IGBP1: variants seen among roughly 807,000 people sequenced by gnomAD.
The protein encoded by IGBP1 is immunoglobulin binding protein 1.
Under a neutral mutation model 25.9 loss-of-function variants are expected in IGBP1, and 2 were observed. The ratio of observed to expected loss-of-function variants is 0.08; its 90% CI spans 0.03 to 0.24. The LOEUF is 0.24. Among genes scored for constraint, IGBP1 ranks in the 10% least tolerant of loss-of-function variants. The pLI is 1.00. For synonymous variants in IGBP1, 96 were observed against 93.4 expected (o/e 1.03, Z -0.16); for missense variants, 187 against 260.4 (o/e 0.72, Z 1.94).
chrX:70,158,120 C>G (rs1235940154), intron 6 of IGBP1, among the ~76,000 whole-genome samples: 1 of 111,746 alleles, frequency 8.9e-6, no homozygotes, highest in East Asian at 2.8e-4. Flanking sequence ...CAGTGTATTC[C>G]CTAGAAAGAA....
Position 70,133,525 on chromosome X carries a change from G to C in IGBP1, c.-241G>C, listed in dbSNP as rs1011379230. On this transcript the variant is annotated 5_prime_UTR_variant, in exon 1 of 7. Coordinates refer to ENST00000356413, the MANE Select transcript of IGBP1 (RefSeq NM_001551.3). The stretch of plus-strand genomic sequence containing the variant: ...TAGAGTCCCTGGACTCCTCAACCTA[G>C]GGAGCTACTCGCGAGGTAAGGGGCG... The C allele has an allele frequency of 1.5e-5, 5 of 342,921 alleles. No individual in the cohort carries two copies. The highest frequency in any genetic ancestry group is 2.5e-5 in the Non-Finnish European group (5 of 199,405). The allele number at this position is 342,921 out of a possible 1,213,427, so 28.3% of individuals were successfully genotyped here. A position where few individuals can be genotyped will look rare whatever the true frequency, so the allele number is the denominator to read the frequency against.
chrX:70,144,543 A>G (rs2085152711), intron 3 of IGBP1, among the ~76,000 whole-genome samples: 1 of 109,019 alleles, frequency 9.2e-6, no homozygotes, highest in Non-Finnish European at 1.9e-5. Context: ...TAGGATGATG[A>G]TGTGTCAGTT....
At chrX:70,156,244 A>G (rs1188356558) in intron 6 of IGBP1, among the ~76,000 whole-genome samples, 1 of 108,186 alleles carries the variant, frequency 9.2e-6, no homozygotes, top group Non-Finnish European at 1.9e-5. Context: ...AAGGGCACCA[A>G]TAGACTTGCT....
chrX:70,162,622 T>G (rs1466931661), intron 6 of IGBP1, among the ~76,000 whole-genome samples: 1 of 112,461 alleles, frequency 8.9e-6, no homozygotes, highest in Non-Finnish European at 1.9e-5. Flanking sequence ...ATTTTCTCAA[T>G]TTTTCTGTAA....
rs2085296659 is a variant in IGBP1, at chrX:70,166,150, C to T, written c.*169C>T. The T allele has an allele frequency of 4.4e-6, 2 of 457,758 alleles. No individual in the cohort carries two copies. Among genetic ancestry groups the T allele is most frequent in the South Asian group, 3.8e-5 (1 of 26,027 alleles). The allele number at this position is 457,758 out of a possible 1,213,427, so 37.7% of individuals were successfully genotyped here. The stretch of plus-strand genomic sequence containing the variant: ...TCAAGTGATTAAGTGTGTATTTGTA[C>T]CCTAGATGATATGAACCAGCAGTCT... On this transcript the variant is annotated 3_prime_UTR_variant, in exon 7 of 7. Transcript: ENST00000356413.
In IGBP1 at chrX:70,146,685, G is replaced by A; in HGVS notation, c.535G>A (p.Val179Met). The A allele has an allele frequency of 8.3e-7, 1 of 1,207,638 alleles. No homozygotes were observed. The highest frequency in any genetic ancestry group is 3.0e-5 in the East Asian group (1 of 33,789). The change falls in exon 4 of 7, where the codon GTG (valine) becomes ATG (methionine). Residue 179 changes from valine to methionine, a missense_variant. Coordinates refer to ENST00000356413, the MANE Select transcript of IGBP1 (RefSeq NM_001551.3). ...TAGGTTGTCTGCAATGAAATCTGCTGTGGAAAGTGGTCAAGCAGATGATGA... is the reference window on the plus strand; with the variant it reads ...TAGGTTGTCTGCAATGAAATCTGCTATGGAAAGTGGTCAAGCAGATGATGA... Reference protein sequence around the residue: ...EHRLSAMKSAVESGQADDERV... With the variant: ...EHRLSAMKSAMESGQADDERV...
At chrX:70,152,393 G>T (rs2085208641) in intron 6 of IGBP1, among the ~76,000 whole-genome samples, 1 of 111,668 alleles carries the variant, frequency 9.0e-6, no homozygotes. Flanking sequence ...CTCTTTAGAG[G>T]AATGAAACAG....
chrX:70,141,108 G>A (rs1484325778), intron 3 of IGBP1, among the ~76,000 whole-genome samples: 1 of 111,015 alleles, frequency 9.0e-6, no homozygotes, highest in Non-Finnish European at 1.9e-5. Flanking sequence ...CACTTTGGGA[G>A]ACTGAGGTGG....
rs745775230 is a variant in IGBP1 at position 70,136,993 on chromosome X, C to T, written c.482+2177C>T. On this transcript the variant is annotated intron_variant, in intron 3 of 6. Coordinates refer to ENST00000356413, the MANE Select transcript of IGBP1 (RefSeq NM_001551.3). ...AAGTGCTGGGATTACAGGTGTGAGC[C>T]GCTGTGCCCTGGCTGTTTCTTTTCA... Among the ~76,000 whole-genome samples the T allele has an allele frequency of 1.1e-4, 12 of 111,581 alleles. No homozygotes were observed. In the South Asian group the frequency reaches 1.5e-3, roughly 14 times the overall value.
At chrX:70,138,093 G>A (rs140162091) in intron 3 of IGBP1, among the ~76,000 whole-genome samples, 2,008 of 110,313 alleles carry the variant, frequency 0.018, 50 homozygotes, top group African/African-American at 0.063. Flanking sequence ...CCGAGACTGC[G>A]CCATTGCACT....
chrX:70,158,644 C>G (rs1194240234), intron 6 of IGBP1, among the ~76,000 whole-genome samples: 1 of 108,772 alleles, frequency 9.2e-6, no homozygotes, highest in Non-Finnish European at 1.9e-5. Flanking sequence ...CCAGCCTGGC[C>G]AAGATGGTGA....
At chrX:70,136,741 C>T (rs2085097574) in intron 3 of IGBP1, among the ~76,000 whole-genome samples, 1 of 101,668 alleles carries the variant, frequency 9.8e-6, no homozygotes. Flanking sequence ...CAGAGTTTCA[C>T]CCTTGTCACC....
intron 3 of IGBP1, among the ~76,000 whole-genome samples, chrX:70,139,467 C>G (rs1233496303): frequency 9.0e-6 from 1 of 111,555 alleles, no homozygotes; most frequent in Non-Finnish European, 1.9e-5. Context: ...ATACTAATGT[C>G]TCCCACATTC....
At position 70,141,394 on chromosome X, in the gene IGBP1, G is replaced by A. The variant is rs1405296503; in HGVS notation, c.483-5239G>A. Among the ~76,000 whole-genome samples, 5 of 110,463 alleles carry A rather than the reference G, an allele frequency of 4.5e-5. No individual in the cohort carries two copies. In the Admixed American group the frequency reaches 4.8e-4, roughly 11 times the overall value. On this transcript the variant is annotated intron_variant, in intron 3 of 6. Coordinates refer to ENST00000356413, the MANE Select transcript of IGBP1 (RefSeq NM_001551.3). ...AAGGTACAGGTACTTAAAGGAGCCT[G>A]GAAAAGAGAAAACAAATGTTATGTC...
chrX:70,150,763 A>G (rs1195034992), intron 6 of IGBP1, among the ~76,000 whole-genome samples: 1 of 112,135 alleles, frequency 8.9e-6, no homozygotes, highest in Admixed American at 9.4e-5. Flanking sequence ...GGAGGAAATG[A>G]TACTTGGAAT....
chrX:70,156,287 TAAA>T (rs202174045), intron 6 of IGBP1, among the ~76,000 whole-genome samples: 8 of 74,283 alleles, frequency 1.1e-4, no homozygotes, highest in African/African-American at 1.8e-4. Flanking sequence ...TTCAATTTGT[TAAA>T]AAAAAAAAAA....
intron 6 of IGBP1, among the ~76,000 whole-genome samples, chrX:70,154,319 G>A (rs1309222416): frequency 1.9e-5 from 2 of 105,739 alleles, no homozygotes; most frequent in Non-Finnish European, 3.9e-5. Context: ...TGATCCGCCC[G>A]CCTCGGCCTC....
chrX:70,142,103 C>T (rs1018284163), intron 3 of IGBP1, among the ~76,000 whole-genome samples: 3 of 111,580 alleles, frequency 2.7e-5, no homozygotes, highest in Admixed American at 9.5e-5. Context: ...GAGGACAAGG[C>T]GGGCAGATTG....
At chrX:70,139,515 A>T (rs991304181) in intron 3 of IGBP1, among the ~76,000 whole-genome samples, 2 of 110,847 alleles carry the variant, frequency 1.8e-5, no homozygotes, top group African/African-American at 6.6e-5. Flanking sequence ...CTTCAGACCC[A>T]TACTTGCAAC....
Sources: gnomAD v4.1 joint callset for allele counts (sites outside exome capture counted in the v4.1 genomes callset) on GRCh38, gnomAD v4.1.1 for gene constraint, MANE v1.5 for transcripts, NCBI Gene and HGNC (gene_info 2026-07-23, HGNC 2026-07-21) for gene names.